The following CAMTA1 variants were observed in gnomAD, a reference collection of about 807,000 sequenced individuals.
CAMTA1 encodes the protein calmodulin-binding transcription activator 1.
In CAMTA1, 27 loss-of-function variants were observed where a neutral mutation model predicts 170.9. The ratio of observed to expected loss-of-function variants is 0.16; its 90% confidence interval spans 0.12 to 0.22. CAMTA1 has a LOEUF of 0.22. CAMTA1 is among the 10% of genes least tolerant of loss of function. The pLI is 1.00. For missense variants in CAMTA1, 1,619 were observed against 2,217.2 expected, an observed-to-expected ratio of 0.73 and a Z score of 5.42; for synonymous variants, 833 against 891.5, an observed-to-expected ratio of 0.93 and a Z score of 1.17.
At chr1:7,155,739 G>C (rs1646838911) in intron 4 of CAMTA1, among the ~76,000 whole-genome samples, 1 of 152,128 alleles carries the variant, frequency 6.6e-6, no homozygotes, top group Non-Finnish European at 1.5e-5. Context: ...TGAGCCATGA[G>C]GTCTTGAGCA....
At chr1:7,551,122 G>A (rs1396574016) in intron 6 of CAMTA1, among the ~76,000 whole-genome samples, 1 of 152,146 alleles carries the variant, frequency 6.6e-6, no homozygotes, top group Non-Finnish European at 1.5e-5. Flanking sequence ...AGCACCACGA[G>A]GTTACTCACT....
At chr1:6,788,536 TTC>T (rs1417861010) in intron 1 of CAMTA1, among the ~76,000 whole-genome samples, 2 of 152,224 alleles carry the variant, frequency 1.3e-5, no homozygotes, top group Admixed American at 1.3e-4. Flanking sequence ...GCTGTTCGTA[TTC>T]TGTGTCTGTA....
chr1:6,951,630 C>T (rs538783039), intron 3 of CAMTA1, among the ~76,000 whole-genome samples: 1 of 152,344 alleles, frequency 6.6e-6, no homozygotes, highest in African/African-American at 2.4e-5. Context: ...ACCCCAGTCT[C>T]CTCCTGGGTT....
chr1:6,888,048 G>T, intron 3 of CAMTA1: 6 of 1,091,560 alleles, frequency 5.5e-6, no homozygotes, highest in Non-Finnish European at 6.8e-6. Context: ...CCTAGCACCT[G>T]CCCCAGCGGT....
intron 3 of CAMTA1, among the ~76,000 whole-genome samples, chr1:6,924,388 G>C (rs1418802361): frequency 6.6e-6 from 1 of 152,088 alleles, no homozygotes; most frequent in East Asian, 1.9e-4. Context: ...TTGCTGAGCG[G>C]ACCTTGAGCA....
chr1:6,852,266 A>G (rs1269703617), intron 3 of CAMTA1, among the ~76,000 whole-genome samples: 1 of 152,142 alleles, frequency 6.6e-6, no homozygotes, highest in Non-Finnish European at 1.5e-5. Flanking sequence ...CCAAAACCCC[A>G]ATTCTCTTTC....
Position 7,067,389 on chromosome 1 carries a change from A to G in CAMTA1, c.235-23915A>G, listed in dbSNP as rs531309446. The stretch of plus-strand genomic sequence containing the variant: ...ATTGTCTTTCTTTAAACAGGCTTCA[A>G]TGCAACCAATTAGGTTCTTACTTGC... On this transcript the variant is annotated intron_variant, in intron 3 of 22. Coordinates refer to ENST00000303635, the MANE Select transcript of CAMTA1 (RefSeq NM_015215.4). This position sits in a 1 kb window ranked among gnomAD's most constrained non-coding sequence, Gnocchi z 4.3. Among the ~76,000 whole-genome samples the G allele has an allele frequency of 5.1e-4, 78 of 151,980 alleles. 2 individuals carry two copies. In the South Asian group the frequency reaches 1.0e-2, roughly 19 times the overall value.
chr1:7,369,805 A>G lies in CAMTA1; in HGVS notation c.439-98025A>G, dbSNP rs139532746. ...TTATCACATTGTTAGACTCTCGAGC[A>G]TGGCCCAAAGCTCCAAAGACACTCT... On this transcript the variant is annotated intron_variant, in intron 5 of 22. Transcript: ENST00000303635. Among the ~76,000 whole-genome samples, 890 of 152,324 alleles carry G rather than the reference A, an allele frequency of 5.8e-3. 22 individuals are homozygous for G. Among genetic ancestry groups the G allele is most frequent in the Admixed American group, 0.047 (717 of 15,300 alleles).
chr1:7,579,547 C>CTTTTT (rs2095237893), intron 6 of CAMTA1, among the ~76,000 whole-genome samples: 23 of 111,460 alleles, frequency 2.1e-4, no homozygotes, highest in African/African-American at 8.2e-4. Context: ...CTTTTCTTTT[C>CTTTTT]TTTTCTTTTT....
intron 3 of CAMTA1, among the ~76,000 whole-genome samples, chr1:6,955,259 T>C (rs898335030): frequency 4.6e-5 from 7 of 152,082 alleles, no homozygotes; most frequent in Non-Finnish European, 8.8e-5. Flanking sequence ...GATGATGATG[T>C]CAGCACTGGG....
At chr1:7,625,614 C>T (rs2095628084) in intron 6 of CAMTA1, among the ~76,000 whole-genome samples, 2 of 152,250 alleles carry the variant, frequency 1.3e-5, no homozygotes, top group Non-Finnish European at 2.9e-5. Flanking sequence ...GAGGCAGTGT[C>T]GGGGTTCACG....
At chr1:7,715,481 G>C (rs1577133164) in intron 11 of CAMTA1, among the ~76,000 whole-genome samples, 1 of 149,252 alleles carries the variant, frequency 6.7e-6, no homozygotes, top group Admixed American at 6.7e-5. Context: ...GAGCCAGACT[G>C]GAATGCAGTG....
intron 3 of CAMTA1, among the ~76,000 whole-genome samples, chr1:7,029,162 T>C (rs1041084394): frequency 1.3e-5 from 2 of 152,200 alleles, no homozygotes; most frequent in Admixed American, 6.5e-5. Flanking sequence ...GTAATGCATG[T>C]GAGCCTTCAT....
intron 7 of CAMTA1, among the ~76,000 whole-genome samples, chr1:7,660,579 G>A (rs1205046697): frequency 6.6e-6 from 1 of 152,058 alleles, no homozygotes; most frequent in Non-Finnish European, 1.5e-5. Context: ...ATCCATGTCT[G>A]AACCGAGCCA....
intron 5 of CAMTA1, among the ~76,000 whole-genome samples, chr1:7,337,203 C>T (rs1448873920): frequency 1.3e-5 from 2 of 152,164 alleles, no homozygotes; most frequent in African/African-American, 2.4e-5. Flanking sequence ...ATACCTATCA[C>T]CTTGTGAGGG....
In CAMTA1 at chr1:7,007,430, G is replaced by T. The variant is rs181838301; in HGVS notation, c.235-83874G>T. Among the ~76,000 whole-genome samples, 1,098 of 152,270 alleles carry T rather than the reference G, an allele frequency of 7.2e-3. 8 individuals carry two copies. The highest frequency in any genetic ancestry group is 0.011 in the Non-Finnish European group (726 of 68,014). On this transcript the variant is annotated intron_variant, in intron 3 of 22. Transcript: ENST00000303635. This position sits in a 1 kb window ranked among gnomAD's most constrained non-coding sequence, Gnocchi z 4.5. ...TGACCCCTATGAGCCAGCCTTGTGG[G>T]GCAACAGAATGTCACACCCAGGTCC...
intron 3 of CAMTA1, among the ~76,000 whole-genome samples, chr1:7,053,393 G>A (rs564986876): frequency 7.2e-5 from 11 of 152,290 alleles, no homozygotes; most frequent in Middle Eastern, 3.4e-3. Flanking sequence ...ATGCGGGAGC[G>A]TGGCAGCCCC....
chr1:7,705,537 C>T (rs3011933), intron 11 of CAMTA1, among the ~76,000 whole-genome samples: 74,073 of 149,476 alleles, frequency 0.5, 18,518 homozygotes, highest in East Asian at 0.66. Flanking sequence ...GCTGGGGCGG[C>T]GTCGGGGCGC....
At chr1:6,916,502 C>T (rs1006764468) in intron 3 of CAMTA1, among the ~76,000 whole-genome samples, 7 of 152,218 alleles carry the variant, frequency 4.6e-5, no homozygotes, top group African/African-American at 1.2e-4. Context: ...GCTGCACACT[C>T]CAAATCAATT....
Sources: allele counts gnomAD v4.1 joint callset (sites outside exome capture counted in the v4.1 genomes callset), GRCh38; gene constraint gnomAD v4.1.1; non-coding constraint Gnocchi (gnomAD v3.1); transcripts MANE v1.5; gene names NCBI Gene and HGNC (gene_info 2026-07-23, HGNC 2026-07-21).